MORC4: variants seen among roughly 807,000 people sequenced by gnomAD.
MORC4 encodes MORC family CW-type zinc finger 4, also known as MORC family CW-type zinc finger protein 4.
A neutral mutation model predicts 65.5 loss-of-function variants in MORC4; 22 were observed. That is an observed-to-expected ratio of 0.34 (90% CI 0.24 to 0.48). The LOEUF (loss-of-function observed/expected upper bound fraction) is 0.48. MORC4 is among the 20% of genes least tolerant of loss of function. MORC4 has a pLI of 0.99. For missense variants in MORC4, 624 were observed against 703.0 expected (o/e 0.89, Z 1.27); for synonymous variants, 267 against 255.8 (o/e 1.04, Z -0.42).
intron 5 of MORC4, 90 bp from the exon 6 acceptor site, chrX:106,981,567 A>C: frequency 2.4e-6 from 2 of 823,775 alleles, no homozygotes; most frequent in Non-Finnish European, 3.4e-6. Flanking sequence ...AAAAAACAAT[A>C]TGAGCCAAAA....
chrX:106,965,005 T>C (rs1447113197), intron 9 of MORC4, among the ~76,000 whole-genome samples: 13 of 60,651 alleles, frequency 2.1e-4, no homozygotes, highest in African/African-American at 7.2e-4. Context: ...CAAAACTCCA[T>C]GTCAAAAAAA....
intron 9 of MORC4, among the ~76,000 whole-genome samples, chrX:106,966,838 G>A (rs1409207834): frequency 8.9e-6 from 1 of 112,855 alleles, no homozygotes; most frequent in Non-Finnish European, 1.9e-5. Context: ...AGCTCAGCAA[G>A]GCCTACTGCC....
At chrX:106,950,470 T>C (rs1480510949) in intron 14 of MORC4, among the ~76,000 whole-genome samples, 1 of 112,212 alleles carries the variant, frequency 8.9e-6, no homozygotes, top group Admixed American at 9.4e-5. Context: ...AACAGTAACA[T>C]ACTTCTCCCA....
At chrX:106,992,910 C>T (rs757222255) in intron 3 of MORC4, among the ~76,000 whole-genome samples, 29 of 112,292 alleles carry the variant, frequency 2.6e-4, no homozygotes, top group Admixed American at 7.5e-4. Context: ...GCTTAAATAT[C>T]ATTTTGTCTA....
At position 106,942,129 on chromosome X, in the gene MORC4, T is replaced by C; in HGVS notation, c.2469A>G (p.Glu823=). The change falls in exon 16 of 17, where the codon GAA becomes GAG. Residue 823 remains glutamate (E), a synonymous_variant. Transcript: ENST00000355610. The part of the protein sequence containing the change: ...ELVIYSTQEA[E]GLYWSKKHMG... ...TGTGTTTCTTGCTCCAGTACAAGCC[T>C]TCCGCCTCCTGGGTACTGTAGATCA... is the stretch of plus-strand genomic sequence containing the variant. 8.3e-7 allele frequency: 1 copy of C among 1,211,415 alleles called. No homozygotes were observed. The highest frequency in any genetic ancestry group is 1.1e-6 in the Non-Finnish European group (1 of 895,305).
At chrX:106,955,238 C>CTGTT in intron 13 of MORC4, 150 bp from the exon 14 acceptor site, 1 of 437,988 alleles carries the variant, frequency 2.3e-6, no homozygotes, top group Non-Finnish European at 3.8e-6. Context: ...GTAATGTACA[C>CTGTT]TAGAACACTG....
intron 7 of MORC4, among the ~76,000 whole-genome samples, chrX:106,979,675 AG>A (rs751998291): frequency 3.6e-5 from 4 of 111,001 alleles, no homozygotes; most frequent in Non-Finnish European, 7.6e-5. Flanking sequence ...TTTAATGGGA[AG>A]GGAGTCTGAG....
intron 3 of MORC4, 104 bp downstream of exon 3, chrX:106,993,126 T>G: frequency 1.2e-6 from 1 of 843,351 alleles, no homozygotes; most frequent in South Asian, 2.9e-5. Context: ...TAATAAATAT[T>G]TGTTGAATGA....
chrX:106,980,858 C>A, intron 7 of MORC4, 33 bp downstream of exon 7: 2 of 1,174,403 alleles, frequency 1.7e-6, no homozygotes, highest in South Asian at 1.9e-5. Flanking sequence ...ATAAAGAGGT[C>A]AACTTCATGT....
chrX:106,991,336 A>G (rs1934978227), intron 3 of MORC4, among the ~76,000 whole-genome samples: 1 of 112,685 alleles, frequency 8.9e-6, no homozygotes, highest in African/African-American at 3.2e-5. Context: ...GCTGTCAGCC[A>G]AGAATCATGT....
intron 7 of MORC4, among the ~76,000 whole-genome samples, chrX:106,978,500 A>G (rs150605261): frequency 1.1e-3 from 117 of 111,118 alleles, no homozygotes; most frequent in Middle Eastern, 9.1e-3. Flanking sequence ...ATGTTCAACA[A>G]TAAAGAAATG....
At chrX:106,949,966 G>C (rs963501006) in intron 14 of MORC4, among the ~76,000 whole-genome samples, 19 of 112,023 alleles carry the variant, frequency 1.7e-4, no homozygotes, top group African/African-American at 6.2e-4. Context: ...AGGTGCCCCT[G>C]GGTCAGAGTA....
chrX:106,970,422 T>G (rs768812710), intron 9 of MORC4, among the ~76,000 whole-genome samples: 2 of 111,527 alleles, frequency 1.8e-5, no homozygotes, highest in African/African-American at 6.5e-5. Context: ...GGCATAAGGA[T>G]GCCCTCTCCC....
intron 9 of MORC4, among the ~76,000 whole-genome samples, chrX:106,966,500 G>C (rs1188162395): frequency 8.9e-6 from 1 of 112,803 alleles, no homozygotes; most frequent in Non-Finnish European, 1.9e-5. Flanking sequence ...ACGGGGAAAC[G>C]CAAGAGGTCA....
In MORC4 at chrX:106,983,289, CTA is replaced by C. The variant is rs1322352188; in HGVS notation, c.674+1805_674+1806del. 3.6e-5 allele frequency among the ~76,000 whole-genome samples: 4 copies of C among 112,183 alleles called. No individual in the cohort carries two copies. The Admixed American group carries it at 3.8e-4, about 11-fold the overall frequency. On this transcript the variant is annotated intron_variant, in intron 5 of 16. Transcript: ENST00000355610. The stretch of plus-strand genomic sequence containing the variant: ...CTCAAAAAATTCTTTGTAATACAAA[CTA>C]TATTACTTGAGGTTTTCTCAGTAGG...
rs1326913813 is a variant in MORC4, at chrX:106,956,941, C to A, written c.1449G>T (p.Lys483Asn). 1.7e-6 allele frequency: 2 copies of A among 1,191,745 alleles called. No homozygotes were observed. Among genetic ancestry groups the A allele is most frequent in the Non-Finnish European group, 2.3e-6 (2 of 880,461 alleles). ...TDEDLCLSKA[K>N]KQEQTVEEKK... ...CCATCTCATGTATACTCAACTGTTT[C>A]TTAGCTTTGCTCAAGCACAGGTCTT... The change falls in exon 12 of 17, where the codon AAG becomes AAT. Residue 483 changes from lysine to asparagine, a missense_variant. Coordinates refer to ENST00000355610, the MANE Select transcript of MORC4 (RefSeq NM_024657.5).
chrX:106,999,848 C>G lies in MORC4; in HGVS notation c.102+20G>C. The G allele has an allele frequency of 1.2e-5, 10 of 846,097 alleles. No homozygotes were observed. The highest frequency in any genetic ancestry group is 1.4e-5 in the Non-Finnish European group (10 of 693,211). The allele number at this position is 846,097 out of a possible 1,213,427, so 69.7% of individuals were successfully genotyped here. ...CCAGGGGCCCGCGCGCGCGTCCGCC[C>G]CCTCGGGCCCCGGACCTACCGTGCT... On this transcript the variant is annotated intron_variant, in intron 1 of 16. Transcript: ENST00000355610.
At position 106,966,985 on chromosome X, in the gene MORC4, C is replaced by A. The variant is rs774291182; in HGVS notation, c.1158-4875G>T. Among the ~76,000 whole-genome samples the A allele has an allele frequency of 1.1e-4, 12 of 112,041 alleles. No homozygotes were observed. The Admixed American group carries it at 1.1e-3, about 11-fold the overall frequency. On this transcript the variant is annotated intron_variant, in intron 9 of 16. Transcript: ENST00000355610. ...AAGCACAGCGTTCAAGTTCTGATAA[C>A]GGACAGACTGCCTCCTCAAGTAAGT... is the stretch of plus-strand genomic sequence containing the variant.
chrX:106,996,614 G>A (rs1205377501), intron 2 of MORC4, among the ~76,000 whole-genome samples: 2 of 110,720 alleles, frequency 1.8e-5, no homozygotes, highest in African/African-American at 3.3e-5. Flanking sequence ...CCCCTAACCC[G>A]GCCCATCCAG....
Sources: allele counts gnomAD v4.1 joint callset (sites outside exome capture counted in the v4.1 genomes callset), GRCh38; gene constraint gnomAD v4.1.1; transcripts MANE v1.5; gene names NCBI Gene and HGNC (gene_info 2026-07-23, HGNC 2026-07-21).